CGNL1: variants seen among roughly 807,000 people sequenced by gnomAD.
CGNL1 encodes cingulin like 1.
A neutral mutation model predicts 141.2 loss-of-function variants in CGNL1; 132 were observed. The observed-to-expected ratio is 0.93, with a 90% CI of 0.81 to 1.08. The LOEUF (loss-of-function observed/expected upper bound fraction) is 1.08, where lower values mean the gene tolerates loss of function less well. Ranked by LOEUF, CGNL1 falls within the 50% of genes least tolerant of loss-of-function variation. The probability of loss-of-function intolerance (pLI) is 0.00; values close to 1 mark genes in which losing one functional copy is unlikely to be tolerated. For synonymous variants in CGNL1, 690 were observed against 622.1 expected, an observed-to-expected ratio of 1.11 and a Z score of -1.63; for missense variants, 1,870 against 1,588.6, an observed-to-expected ratio of 1.18 and a Z score of -3.01.
chr15:57,456,290 GA>G (rs2063378294), intron 7 of CGNL1, among the ~76,000 whole-genome samples: 1 of 152,124 alleles, frequency 6.6e-6, no homozygotes. Context: ...TTGAATGTTT[GA>G]AAAAGGTTGA....
chr15:57,499,620 C>T (rs1028968862), intron 8 of CGNL1, among the ~76,000 whole-genome samples: 6 of 152,104 alleles, frequency 3.9e-5, no homozygotes, highest in African/African-American at 7.2e-5. Flanking sequence ...AGAAAGGACT[C>T]GACCACAAGA....
chr15:57,518,461 C>A lies in CGNL1; in HGVS notation c.2679C>A (p.Ala893=), dbSNP rs2031002598. Residue 893 remains alanine (A), a synonymous_variant, in exon 10 of 19, where the codon GCC becomes GCA. Transcript: ENST00000281282. ...ARKEEKEAVS[A]RRALENELEA... ...AGGAAGAAAAAGAAGCTGTGTCAGC[C>A]AGAAGGGCCCTGGAGAATGAACTGG... The A allele has an allele frequency of 1.2e-6, 2 of 1,612,268 alleles. No individual in the cohort carries two copies. The highest frequency in any genetic ancestry group is 1.7e-6 in the Non-Finnish European group (2 of 1,179,164).
intron 1 of CGNL1, among the ~76,000 whole-genome samples, chr15:57,403,823 T>C (rs1264000094): frequency 6.6e-6 from 1 of 152,170 alleles, no homozygotes; most frequent in South Asian, 2.1e-4. Flanking sequence ...GCACTCCTGC[T>C]CTGTACAAGG....
At chr15:57,463,128 G>A (rs1372289358) in intron 8 of CGNL1, among the ~76,000 whole-genome samples, 17 of 152,136 alleles carry the variant, frequency 1.1e-4, no homozygotes, top group African/African-American at 3.9e-4. Flanking sequence ...TTAATGTGGT[G>A]TATTCTGGGT....
At chr15:57,441,047 T>G (rs2063180104) in intron 3 of CGNL1, among the ~76,000 whole-genome samples, 1 of 138,458 alleles carries the variant, frequency 7.2e-6, no homozygotes, top group South Asian at 2.5e-4. Flanking sequence ...TTCAGTTCTC[T>G]CAACAGATGT....
intron 1 of CGNL1, among the ~76,000 whole-genome samples, chr15:57,410,621 A>G (rs562259270): frequency 6.6e-6 from 1 of 152,328 alleles, no homozygotes; most frequent in East Asian, 1.9e-4. Flanking sequence ...GGGAGGAGTG[A>G]GTATGAAGAG....
intron 1 of CGNL1, among the ~76,000 whole-genome samples, chr15:57,398,716 G>A (rs1430886663): frequency 6.6e-6 from 1 of 152,120 alleles, no homozygotes; most frequent in Non-Finnish European, 1.5e-5. Context: ...CAGGTTGTTG[G>A]GAAGGTACAC....
Position 57,487,574 on chromosome 15 carries a change from C to T in CGNL1, c.2403+25682C>T, listed in dbSNP as rs189928806. On this transcript the variant is annotated intron_variant, in intron 8 of 18. Transcript: ENST00000281282. Reference sequence around the variant, plus strand: ...TTGTTACCAAATGAATCTATATACTCAGATTTTCCTTTTGTTCAGGTTATT... The same window carrying T: ...TTGTTACCAAATGAATCTATATACTTAGATTTTCCTTTTGTTCAGGTTATT... Among the ~76,000 whole-genome samples, 14 of 152,256 alleles carry T rather than the reference C, an allele frequency of 9.2e-5. No individual in the cohort carries two copies. The East Asian group carries it at 2.1e-3, about 23-fold the overall frequency.
intron 8 of CGNL1, among the ~76,000 whole-genome samples, chr15:57,513,162 G>A (rs983314785): frequency 2.0e-5 from 3 of 151,466 alleles, no homozygotes; most frequent in Non-Finnish European, 2.9e-5. Flanking sequence ...ATCCCTCCCT[G>A]TACCTCCCTG....
At chr15:57,506,767 G>T (rs2152394829) in intron 8 of CGNL1, among the ~76,000 whole-genome samples, 2 of 152,274 alleles carry the variant, frequency 1.3e-5, no homozygotes, top group Middle Eastern at 6.8e-3. Flanking sequence ...ATTGACTGAG[G>T]TCTTACTATG....
At chr15:57,416,492 C>T (rs72738070) in intron 1 of CGNL1, among the ~76,000 whole-genome samples, 10,284 of 152,182 alleles carry the variant, frequency 0.068, 461 homozygotes, top group Non-Finnish European at 0.1. Context: ...CTCTCCTGAC[C>T]CCTCTATCCC....
Position 57,427,440 on chromosome 15 carries a change from T to A in CGNL1, c.-15-10545T>A, listed in dbSNP as rs117842260. ...CAACTGACTCATGCGTTTATGAGAC[T>A]GGGTTGGTTTGTGAATCGATGACGC... On this transcript the variant is annotated intron_variant, in intron 1 of 18. Coordinates refer to ENST00000281282, the MANE Select transcript of CGNL1 (RefSeq NM_032866.5). 3.3e-5 allele frequency among the ~76,000 whole-genome samples: 5 copies of A among 152,300 alleles called. No individual in the cohort carries two copies. The East Asian group carries it at 9.7e-4, about 29-fold the overall frequency.
intron 8 of CGNL1, among the ~76,000 whole-genome samples, chr15:57,489,271 T>C (rs1444408126): frequency 6.6e-6 from 1 of 152,208 alleles, no homozygotes; most frequent in Non-Finnish European, 1.5e-5. Context: ...AAATAACATG[T>C]AGGAAAGATG....
At chr15:57,451,377 G>T (rs1753775867) in intron 4 of CGNL1, 123 bp from the exon 5 acceptor site, 2 of 656,010 alleles carry the variant, frequency 3.0e-6, no homozygotes, top group East Asian at 5.6e-5. Flanking sequence ...GTTTGAATTG[G>T]GTCTTAAAAT....
intron 1 of CGNL1, among the ~76,000 whole-genome samples, chr15:57,434,959 G>C (rs1239465509): frequency 2.6e-5 from 4 of 151,922 alleles, no homozygotes; most frequent in African/African-American, 9.7e-5. Context: ...TAACACAAAA[G>C]GAAGAGAGCA....
chr15:57,412,852 G>A (rs2062805771), intron 1 of CGNL1, among the ~76,000 whole-genome samples: 1 of 152,042 alleles, frequency 6.6e-6, no homozygotes. Context: ...CCATCTCTTA[G>A]TATCTCAGTT....
At chr15:57,456,449 C>T (rs2063379839) in intron 7 of CGNL1, among the ~76,000 whole-genome samples, 1 of 151,036 alleles carries the variant, frequency 6.6e-6, no homozygotes, top group Non-Finnish European at 1.5e-5. Context: ...GTCTATGGAG[C>T]AGCCATTCTT....
At chr15:57,462,299 C>G (rs2063457560) in intron 8 of CGNL1, among the ~76,000 whole-genome samples, 1 of 152,262 alleles carries the variant, frequency 6.6e-6, no homozygotes, top group South Asian at 2.1e-4. Context: ...TCATCCCCCA[C>G]CCTAGTCTGT....
At chr15:57,423,008 G>T (rs899714922) in intron 1 of CGNL1, among the ~76,000 whole-genome samples, 1 of 152,126 alleles carries the variant, frequency 6.6e-6, no homozygotes, top group Non-Finnish European at 1.5e-5. Flanking sequence ...GTAGAAGGTA[G>T]GCATGAATGG....
Sources: gnomAD v4.1 joint callset for allele counts (sites outside exome capture counted in the v4.1 genomes callset) on GRCh38, gnomAD v4.1.1 for gene constraint, MANE v1.5 for transcripts, NCBI Gene and HGNC (gene_info 2026-07-23, HGNC 2026-07-21) for gene names.